CTNNA2: variants seen among roughly 807,000 people sequenced by gnomAD.
CTNNA2 encodes catenin alpha-2.
Under a neutral mutation model 101.0 loss-of-function variants are expected in CTNNA2, and 42 were observed. That is an observed-to-expected ratio of 0.42 (90% CI 0.32 to 0.54). The LOEUF (loss-of-function observed/expected upper bound fraction) is 0.54, where lower values mean the gene tolerates loss of function less well. Among genes scored for constraint, CTNNA2 ranks in the 20% least tolerant of loss-of-function variants. The pLI, the probability that CTNNA2 is intolerant of heterozygous loss-of-function variation, is 0.14. For missense variants in CTNNA2, 871 were observed against 1,223.1 expected, an observed-to-expected ratio of 0.71 and a Z score of 4.29; for synonymous variants, 450 against 456.4, an observed-to-expected ratio of 0.99 and a Z score of 0.18.
chr2:79,509,456 T>C (rs951901381), upstream of CTNNA2, among the ~76,000 whole-genome samples: 2 of 152,038 alleles, frequency 1.3e-5, no homozygotes, highest in Non-Finnish European at 2.9e-5. Context: ...GCCATGAAAA[T>C]ACATGGTGGA....
At chr2:79,641,466 T>C (rs1325724475) in intron 1 of CTNNA2, among the ~76,000 whole-genome samples, 1 of 152,242 alleles carries the variant, frequency 6.6e-6, no homozygotes, top group Non-Finnish European at 1.5e-5. Context: ...ATATGTTACC[T>C]GGCATACTAA....
At chr2:79,975,404 C>G (rs893149012) in intron 7 of CTNNA2, among the ~76,000 whole-genome samples, 1 of 152,134 alleles carries the variant, frequency 6.6e-6, no homozygotes, top group Admixed American at 6.5e-5. Flanking sequence ...GGAGTTTCCC[C>G]CCACACACTA....
chr2:79,873,896 G>A (rs144963162), intron 5 of CTNNA2, among the ~76,000 whole-genome samples, 180 bp from the exon 6 acceptor site: 2 of 152,138 alleles, frequency 1.3e-5, no homozygotes, highest in Non-Finnish European at 2.9e-5. Flanking sequence ...TAGAGACCTA[G>A]CTGTCTCTAT....
At chr2:80,396,511 C>T (rs569124350) in intron 8 of CTNNA2, among the ~76,000 whole-genome samples, 8 of 152,172 alleles carry the variant, frequency 5.3e-5, no homozygotes, top group Non-Finnish European at 1.2e-4. Context: ...TTCTGGGTGC[C>T]TACTGGCCCA....
At position 79,613,808 on chromosome 2, in the gene CTNNA2, C is replaced by A. The variant is rs545203361; in HGVS notation, c.-5-37744C>A. Among the ~76,000 whole-genome samples, 137 of 152,254 alleles carry A rather than the reference C, an allele frequency of 9.0e-4. 2 individuals are homozygous for A. In the South Asian group the frequency reaches 0.011, roughly 13 times the overall value. ...GTGCTGGATTACATGCATGAGCCAC[C>A]GTATCCAGCTACATATTCTTTTTTA... On this transcript the variant is annotated intron_variant, in intron 1 of 18. Transcript: ENST00000402739.
At chr2:79,410,287 C>T (rs1308573897) in intron 4 of CTNNA2, among the ~76,000 whole-genome samples, 1 of 142,556 alleles carries the variant, frequency 7.0e-6, no homozygotes, top group Admixed American at 7.1e-5. Flanking sequence ...ATTGAATACC[C>T]TTTATTTCCT....
intron 2 of CTNNA2, among the ~76,000 whole-genome samples, chr2:79,654,986 T>C (rs1681509261): frequency 1.3e-5 from 2 of 152,328 alleles, no homozygotes; most frequent in Admixed American, 1.3e-4. Context: ...AACCTAAATA[T>C]AAAATATGGA....
chr2:80,192,760 G>A (rs932004901), intron 7 of CTNNA2, among the ~76,000 whole-genome samples: 92 of 152,084 alleles, frequency 6.0e-4, no homozygotes, highest in Admixed American at 1.5e-3. Context: ...TGATCCACCC[G>A]CCTCGGCCTC....
chr2:79,548,838 C>A (rs893729202), intron 1 of CTNNA2, among the ~76,000 whole-genome samples: 1 of 152,176 alleles, frequency 6.6e-6, no homozygotes, highest in Non-Finnish European at 1.5e-5. Context: ...CTCCTCTTTA[C>A]CTGACTTGCA....
intron 3 of CTNNA2, among the ~76,000 whole-genome samples, chr2:79,834,963 G>A (rs973302901): frequency 1.3e-5 from 2 of 152,024 alleles, no homozygotes; most frequent in Admixed American, 6.6e-5. Context: ...TTTGTCATAT[G>A]TCACATTTGC....
rs578186231 is a variant in CTNNA2 at position 79,647,221 on chromosome 2, T to A, written c.-5-4331T>A. ...TTTGTGTCAATTTGGTTGTTCCACATAGAGGAGTGTAAATCTGGATCTCTA... is the reference window on the plus strand; with the variant it reads ...TTTGTGTCAATTTGGTTGTTCCACAAAGAGGAGTGTAAATCTGGATCTCTA... On this transcript the variant is annotated intron_variant, in intron 1 of 18. Transcript: ENST00000402739. Among the ~76,000 whole-genome samples the A allele has an allele frequency of 1.4e-4, 22 of 152,352 alleles. No homozygotes were observed. In the South Asian group the frequency reaches 4.1e-3, roughly 29 times the overall value.
intron 9 of CTNNA2, among the ~76,000 whole-genome samples, chr2:80,428,198 GA>G (rs1257467347): frequency 6.6e-6 from 1 of 152,118 alleles, no homozygotes; most frequent in Non-Finnish European, 1.5e-5. Context: ...AGAATGAGAG[GA>G]AAAATTACAG....
intron 18 of CTNNA2, among the ~76,000 whole-genome samples, chr2:80,641,528 C>T (rs1173273672): frequency 6.6e-6 from 1 of 152,128 alleles, no homozygotes; most frequent in Non-Finnish European, 1.5e-5. Context: ...TTTACTATGT[C>T]ATGTCATCTG....
intron 1 of CTNNA2, among the ~76,000 whole-genome samples, chr2:79,556,412 G>A (rs887415745): frequency 2.6e-5 from 4 of 151,968 alleles, no homozygotes; most frequent in African/African-American, 9.7e-5. Context: ...ACCCCAGCTA[G>A]CACTTTTATT....
intron 4 of CTNNA2, among the ~76,000 whole-genome samples, chr2:79,469,918 A>G (rs1364793007): frequency 2.0e-5 from 3 of 152,132 alleles, no homozygotes; most frequent in South Asian, 2.1e-4. Flanking sequence ...CCCACAGCCA[A>G]TATCATACTG....
intron 15 of CTNNA2, among the ~76,000 whole-genome samples, chr2:80,596,529 G>T (rs1696999068): frequency 6.6e-6 from 1 of 151,484 alleles, no homozygotes; most frequent in Admixed American, 6.6e-5. Context: ...CGCCAGGATG[G>T]TCTTGATCTC....
At chr2:79,572,436 G>C (rs1264979082) in intron 1 of CTNNA2, among the ~76,000 whole-genome samples, 1 of 152,048 alleles carries the variant, frequency 6.6e-6, no homozygotes, top group East Asian at 1.9e-4. Context: ...TGCTGCCCTG[G>C]GCTTTAGTTT....
chr2:79,272,423 T>G (rs1675106331), intron 2 of CTNNA2, among the ~76,000 whole-genome samples: 1 of 152,082 alleles, frequency 6.6e-6, no homozygotes, highest in Non-Finnish European at 1.5e-5. Flanking sequence ...GTATAATTTA[T>G]AATTATTTTG....
intron 4 of CTNNA2, among the ~76,000 whole-genome samples, chr2:79,409,612 A>C (rs1678383875): frequency 1.3e-5 from 2 of 149,892 alleles, no homozygotes; most frequent in Non-Finnish European, 3.0e-5. Flanking sequence ...ATAGTTGTAG[A>C]TATGCGGCAT....
Sources: allele counts gnomAD v4.1 joint callset (sites outside exome capture counted in the v4.1 genomes callset), GRCh38; gene constraint gnomAD v4.1.1; transcripts MANE v1.5; gene names NCBI Gene and HGNC (gene_info 2026-07-23, HGNC 2026-07-21).